COLEC10: variants seen among roughly 807,000 people sequenced by gnomAD.
COLEC10 encodes the protein collectin-10.
Under a neutral mutation model 28.4 loss-of-function variants are expected in COLEC10, and 22 were observed. The observed-to-expected ratio is 0.78, with a 90% CI of 0.55 to 1.11. COLEC10 has a LOEUF of 1.11. COLEC10 is among the 50% of genes least tolerant of loss of function. The probability of loss-of-function intolerance (pLI) is 0.00; values close to 1 mark genes in which losing one functional copy is unlikely to be tolerated. For synonymous variants in COLEC10, 125 were observed against 116.1 expected (o/e 1.08, Z -0.49); for missense variants, 361 against 344.1 (o/e 1.05, Z -0.39).
chr8:118,968,982 A>G, the COLEC10 span, among the ~76,000 whole-genome samples: 1 of 152,066 alleles, frequency 6.6e-6, no homozygotes, highest in Non-Finnish European at 1.5e-5. Context: ...GTTAACTTAT[A>G]GCAAAAGAGG....
the COLEC10 span, among the ~76,000 whole-genome samples, chr8:118,973,796 T>A: frequency 6.6e-6 from 1 of 152,010 alleles, no homozygotes; most frequent in Non-Finnish European, 1.5e-5. Context: ...CTTTAAAGCA[T>A]GAGTCGGGTC....
chr8:119,104,839 G>A lies in COLEC10; in HGVS notation c.442+944G>A, dbSNP rs181320821. 4.6e-5 allele frequency among the ~76,000 whole-genome samples: 7 copies of A among 152,278 alleles called. No homozygotes were observed. The East Asian group carries it at 1.2e-3, about 25-fold the overall frequency. On this transcript the variant is annotated intron_variant, in intron 5 of 5. Transcript: ENST00000332843. ...ATGAATAAGCCAGATCATACAGGGA[G>A]AACATAGAGCAATAGTTCTGAACAT...
At chr8:119,063,731 C>CAAAA (rs60292327), upstream of COLEC10, among the ~76,000 whole-genome samples, 44 of 136,412 alleles carry the variant, frequency 3.2e-4, no homozygotes, top group East Asian at 2.8e-3. Context: ...ATTCAATTCA[C>CAAAA]AAAAAAAAAA....
chr8:119,021,893 T>C (rs1435745886), intron 2 of COLEC10, among the ~76,000 whole-genome samples: 1 of 152,158 alleles, frequency 6.6e-6, no homozygotes, highest in African/African-American at 2.4e-5. Context: ...TCACAGATTT[T>C]CTGTAATGAT....
At chr8:119,069,034 A>G (rs1370398630) in intron 1 of COLEC10, among the ~76,000 whole-genome samples, 1 of 152,100 alleles carries the variant, frequency 6.6e-6, no homozygotes, top group Non-Finnish European at 1.5e-5. Context: ...TGTACTGAAT[A>G]CCTACTAAGA....
upstream of COLEC10, among the ~76,000 whole-genome samples, chr8:119,064,982 A>G (rs1814925538): frequency 2.0e-5 from 3 of 152,196 alleles, no homozygotes; most frequent in South Asian, 2.1e-4. Flanking sequence ...TGACTATTCA[A>G]TCAGTGCTAG....
chr8:119,070,075 T>C (rs762547219), intron 1 of COLEC10, among the ~76,000 whole-genome samples: 13 of 152,016 alleles, frequency 8.6e-5, no homozygotes, highest in Non-Finnish European at 1.2e-4. Flanking sequence ...TATACAGATA[T>C]TATTTTTAAA....
chr8:119,066,967 G>C (rs1485298), upstream of COLEC10, among the ~76,000 whole-genome samples: 33,708 of 152,080 alleles, frequency 0.22, 4,009 homozygotes, highest in East Asian at 0.48. Context: ...TAAATTGTCA[G>C]CTCAAGTACT....
chr8:119,019,364 G>A (rs1200390259), intron 2 of COLEC10, among the ~76,000 whole-genome samples: 1 of 152,064 alleles, frequency 6.6e-6, no homozygotes, highest in Non-Finnish European at 1.5e-5. Flanking sequence ...GGGAAGGGAG[G>A]GATAGTGAAG....
At chr8:119,009,917 A>G (rs1813874521) in intron 2 of COLEC10, among the ~76,000 whole-genome samples, 1 of 150,786 alleles carries the variant, frequency 6.6e-6, no homozygotes, top group Admixed American at 6.6e-5. Flanking sequence ...AAAGTATAGA[A>G]ATTTCCTGTC....
intron 2 of COLEC10, among the ~76,000 whole-genome samples, chr8:119,044,415 C>T (rs1457796789): frequency 6.6e-6 from 1 of 151,888 alleles, no homozygotes; most frequent in Non-Finnish European, 1.5e-5. Context: ...TAGCTTTGGC[C>T]CAAAAGACTG....
intron 1 of COLEC10, among the ~76,000 whole-genome samples, chr8:119,083,656 C>T (rs981452408): frequency 2.6e-5 from 4 of 152,140 alleles, no homozygotes; most frequent in African/African-American, 9.7e-5. Flanking sequence ...AAAGGGTCAT[C>T]ATCCCCATTT....
At chr8:118,986,692 A>T in the COLEC10 span, among the ~76,000 whole-genome samples, 3 of 152,172 alleles carry the variant, frequency 2.0e-5, no homozygotes, top group Non-Finnish European at 4.4e-5. Context: ...CACTCAATAA[A>T]ATAGTATTTC....
At chr8:119,063,694 T>G (rs777823608), upstream of COLEC10, among the ~76,000 whole-genome samples, 2 of 81,486 alleles carry the variant, frequency 2.5e-5, no homozygotes, top group South Asian at 4.3e-4. Context: ...TAGATGTGGA[T>G]ATATATATAT....
At chr8:119,095,468 C>T (rs1225309626) in intron 3 of COLEC10, among the ~76,000 whole-genome samples, 2 of 152,050 alleles carry the variant, frequency 1.3e-5, no homozygotes, top group Non-Finnish European at 2.9e-5. Context: ...TTCGGGGGGC[C>T]GAGGTGGATG....
At chr8:118,983,740 A>G in the COLEC10 span, among the ~76,000 whole-genome samples, 2 of 152,154 alleles carry the variant, frequency 1.3e-5, no homozygotes, top group African/African-American at 2.4e-5. Context: ...AAAATGCTCA[A>G]CAACACTAAT....
chr8:119,051,491 T>C lies in COLEC10; in HGVS notation n.236-38189T>C, dbSNP rs535042252. 1.1e-4 allele frequency among the ~76,000 whole-genome samples: 16 copies of C among 152,216 alleles called. No homozygotes were observed. In the South Asian group the frequency reaches 3.3e-3, roughly 32 times the overall value. On this transcript the variant is annotated intron_variant and non_coding_transcript_variant, in intron 2 of 6. Coordinates refer to the COLEC10 transcript ENST00000521788. Reference sequence around the variant, plus strand: ...CAATGTTTAAACAGCAACAAAAATATCCTGCCTGGGGGACCAAAGTGTAAG... The same window carrying C: ...CAATGTTTAAACAGCAACAAAAATACCCTGCCTGGGGGACCAAAGTGTAAG...
intron 1 of COLEC10, among the ~76,000 whole-genome samples, chr8:119,085,553 T>C (rs1219942317): frequency 6.6e-6 from 1 of 151,592 alleles, no homozygotes; most frequent in Non-Finnish European, 1.5e-5. Context: ...ATACCAGCTA[T>C]CCCATTCAAT....
At chr8:118,967,242 G>A in the COLEC10 span, among the ~76,000 whole-genome samples, 1 of 152,166 alleles carries the variant, frequency 6.6e-6, no homozygotes, top group Middle Eastern at 3.4e-3. Context: ...TGATGTACAA[G>A]TCTGGTTCAG....
Sources: gnomAD v4.1 joint callset for allele counts (sites outside exome capture counted in the v4.1 genomes callset) on GRCh38, gnomAD v4.1.1 for gene constraint, MANE v1.5 for transcripts, NCBI Gene and HGNC (gene_info 2026-07-23, HGNC 2026-07-21) for gene names.